The following CDC16 variants were observed in gnomAD, a reference collection of about 807,000 sequenced individuals.
CDC16 encodes the protein cell division cycle protein 16 homolog.
In CDC16, 34 loss-of-function variants were observed where a neutral mutation model predicts 87.0. The observed-to-expected ratio is 0.39, with a 90% CI of 0.30 to 0.52. The LOEUF (loss-of-function observed/expected upper bound fraction) is 0.52. Ranked by LOEUF, CDC16 falls within the 20% of genes least tolerant of loss-of-function variation. The pLI, the probability that CDC16 is intolerant of heterozygous loss-of-function variation, is 0.74. For synonymous variants in CDC16, 263 were observed against 260.6 expected, an observed-to-expected ratio of 1.01 and a Z score of -0.09; for missense variants, 653 against 751.9, an observed-to-expected ratio of 0.87 and a Z score of 1.54.
At chr13:114,257,797 GTTTT>G (rs1049105080) in intron 13 of CDC16, among the ~76,000 whole-genome samples, 3 of 151,778 alleles carry the variant, frequency 2.0e-5, no homozygotes, top group African/African-American at 7.3e-5. Context: ...TTTTGTTTTT[GTTTT>G]TTTGAGATGG....
chr13:114,235,347 C>G (rs893880619), intron 1 of CDC16, among the ~76,000 whole-genome samples: 1 of 152,058 alleles, frequency 6.6e-6, no homozygotes, highest in Non-Finnish European at 1.5e-5. Context: ...TGGAGGCCCC[C>G]GAGCGCACGG....
At chr13:114,261,797 A>C in intron 14 of CDC16, 90 bp from the exon 15 acceptor site, 1 of 848,606 alleles carries the variant, frequency 1.2e-6, no homozygotes, top group Admixed American at 2.5e-5. Context: ...GAGAGAGCCC[A>C]GCTTGCAAGG....
intron 1 of CDC16, among the ~76,000 whole-genome samples, chr13:114,236,139 G>A (rs1177563672): frequency 6.6e-6 from 1 of 152,222 alleles, no homozygotes; most frequent in African/African-American, 2.4e-5. Context: ...TGGAGGAGGT[G>A]AGTTCTTCCC....
chr13:114,242,114 C>G lies in CDC16; in HGVS notation c.382-7C>G, dbSNP rs1433381900. The G allele has an allele frequency of 1.9e-6, 3 of 1,587,096 alleles. No individual in the cohort carries two copies. The highest frequency in any genetic ancestry group is 2.6e-6 in the Non-Finnish European group (3 of 1,171,768). Reference sequence around the variant, plus strand: ...ACTTAATATGTGACTCATCATTTTTCCAACAGATAAAGAGTTCTATCTGTC... The same window carrying G: ...ACTTAATATGTGACTCATCATTTTTGCAACAGATAAAGAGTTCTATCTGTC... On this transcript the variant is annotated splice_polypyrimidine_tract_variant and splice_region_variant and intron_variant, in intron 5 of 17. Coordinates refer to ENST00000356221, the MANE Select transcript of CDC16 (RefSeq NM_001078645.3).
chr13:114,267,711 G>A lies in CDC16; in HGVS notation c.1603+2471G>A, dbSNP rs115044671. Among the ~76,000 whole-genome samples the A allele has an allele frequency of 2.9e-3, 438 of 152,212 alleles. 1 individual carries two copies. The highest frequency in any genetic ancestry group is 0.01 in the African/African-American group (424 of 41,522). On this transcript the variant is annotated intron_variant, in intron 17 of 17. Coordinates refer to ENST00000356221, the MANE Select transcript of CDC16 (RefSeq NM_001078645.3). The stretch of plus-strand genomic sequence containing the variant: ...GATAGAGTAATCACTAAAAAGGAAA[G>A]TTCATACCAAAAGTAGTAATACTAG...
rs749251798 is a variant in CDC16 at position 114,257,125 on chromosome 13, A to G, written c.1145A>G (p.Asn382Ser). Residue 382 changes from asparagine (N) to serine (S), a missense_variant, in exon 13 of 18, where the codon AAT (asparagine) becomes AGT (serine). Coordinates refer to ENST00000356221, the MANE Select transcript of CDC16 (RefSeq NM_001078645.3). ...LYIGLEYGLT[N>S]NSKLAERFFS... ...ATTGGATTAGAATATGGTTTGACCA[A>G]TAACTCAAAACTAGCTGAAAGGTTC... The G allele has an allele frequency of 3.1e-6, 5 of 1,612,356 alleles. No individual in the cohort carries two copies. The highest frequency in any genetic ancestry group is 2.2e-5 in the East Asian group (1 of 44,858).
intron 12 of CDC16, among the ~76,000 whole-genome samples, chr13:114,252,848 A>G (rs1053619578): frequency 2.0e-5 from 3 of 152,338 alleles, no homozygotes; most frequent in Non-Finnish European, 2.9e-5. Context: ...AAATTCTCAC[A>G]TTAAGCTAGG....
At chr13:114,266,770 T>C (rs1445463757) in intron 17 of CDC16, among the ~76,000 whole-genome samples, 2 of 152,090 alleles carry the variant, frequency 1.3e-5, no homozygotes, top group Non-Finnish European at 2.9e-5. Flanking sequence ...CTCTGCTCAC[T>C]GCAAGCTCCC....
At chr13:114,238,944 A>G (rs201852907) in intron 3 of CDC16, 46 bp from the exon 4 acceptor site, 3 of 1,577,646 alleles carry the variant, frequency 1.9e-6, no homozygotes, top group African/African-American at 2.7e-5. Flanking sequence ...AAGTGAAGAT[A>G]CATATTATTT....
rs184432423 is a variant in CDC16, at chr13:114,253,084, G to C, written c.1097+2410G>C. Reference sequence around the variant, plus strand: ...CACCACAATCCAGCCTGGGTGACCAGTTGAGATACATCTCAAAAACCTCAT... The same window carrying C: ...CACCACAATCCAGCCTGGGTGACCACTTGAGATACATCTCAAAAACCTCAT... On this transcript the variant is annotated intron_variant, in intron 12 of 17. Transcript: ENST00000356221. Among the ~76,000 whole-genome samples the C allele has an allele frequency of 6.6e-5, 10 of 152,276 alleles. No individual in the cohort carries two copies. The East Asian group carries it at 1.9e-3, about 29-fold the overall frequency.
chr13:114,258,511 A>G (rs952286038), intron 13 of CDC16, among the ~76,000 whole-genome samples: 2 of 152,214 alleles, frequency 1.3e-5, no homozygotes, highest in South Asian at 2.1e-4. Context: ...GTGAAATGCT[A>G]TCTAGTGTTA....
At chr13:114,256,581 T>G (rs1263675381) in intron 12 of CDC16, among the ~76,000 whole-genome samples, 1 of 152,244 alleles carries the variant, frequency 6.6e-6, no homozygotes, top group African/African-American at 2.4e-5. Context: ...ATTGAATCAA[T>G]ACACAGGGCA....
At chr13:114,252,630 T>G (rs2082258203) in intron 12 of CDC16, among the ~76,000 whole-genome samples, 1 of 139,154 alleles carries the variant, frequency 7.2e-6, no homozygotes, top group Non-Finnish European at 1.5e-5. Context: ...TGTATCAATA[T>G]GATAATTTGT....
chr13:114,236,927 C>T (rs2081280111), intron 3 of CDC16, 31 bp downstream of exon 3: 3 of 1,387,352 alleles, frequency 2.2e-6, no homozygotes, highest in Non-Finnish European at 3.0e-6. Flanking sequence ...TAAAGCTCTT[C>T]AGAGCTTTAA....
At chr13:114,244,252 A>G (rs181601253) in intron 8 of CDC16, among the ~76,000 whole-genome samples, 2 of 152,342 alleles carry the variant, frequency 1.3e-5, no homozygotes, top group Non-Finnish European at 2.9e-5. Flanking sequence ...AAGTTTGAAA[A>G]TTCCATTTTG....
chr13:114,263,080 ATT>A, intron 16 of CDC16, 66 bp downstream of exon 16: 1 of 1,409,900 alleles, frequency 7.1e-7, no homozygotes, highest in Non-Finnish European at 1.0e-6. Context: ...TTTTGAAAAT[ATT>A]TTTTCTAGGT....
In CDC16 at chr13:114,245,041, C is replaced by T. The variant is rs538661224; in HGVS notation, c.847+72C>T. 8 of 888,960 alleles carry T rather than the reference C, an allele frequency of 9.0e-6. No individual in the cohort carries two copies. In the African/African-American group the frequency reaches 1.2e-4, roughly 13 times the overall value. The allele number at this position is 888,960 out of a possible 1,614,324, so 55.1% of individuals were successfully genotyped here. On this transcript the variant is annotated intron_variant, in intron 9 of 17. Coordinates refer to ENST00000356221, the MANE Select transcript of CDC16 (RefSeq NM_001078645.3). ...TCTTTTCTGTAACTTGAAATTTTGT[C>T]TCTGAAATTCTGGATAGTTGAGATT...
Position 114,272,334 on chromosome 13 carries a change from C to T in CDC16, c.1754C>T (p.Thr585Ile). The stretch of plus-strand genomic sequence containing the variant: ...GAAACGGGGCTTACGCCATTGGAAA[C>T]CTCAAGGAAAACTCCAGATTCCAGA... ...AEETGLTPLE[T>I]SRKTPDSRPS... The change falls in exon 18 of 18, where the codon ACC becomes ATC. Residue 585 changes from threonine (T) to isoleucine (I), a missense_variant. Coordinates refer to ENST00000356221, the MANE Select transcript of CDC16 (RefSeq NM_001078645.3). 6.2e-7 allele frequency: 1 copy of T among 1,614,176 alleles called. No homozygotes were observed. Among genetic ancestry groups the T allele is most frequent in the Non-Finnish European group, 8.5e-7 (1 of 1,180,000 alleles).
rs749650686 is a variant in CDC16 at position 114,250,636 on chromosome 13, G to A, written c.1059G>A (p.Ala353=). The change falls in exon 12 of 18, where the codon GCG becomes GCA. Residue 353 remains alanine, a synonymous_variant. Coordinates refer to ENST00000356221, the MANE Select transcript of CDC16 (RefSeq NM_001078645.3). ...SFAVESEHDQ[A]MAAYFTAAQL... is the part of the protein sequence containing the mutation. ...CGGTGGAGAGTGAGCACGACCAAGC[G>A]ATGGCTGCTTACTTCACAGCAGCAC... is the stretch of plus-strand genomic sequence containing the variant. 9 of 1,613,976 alleles carry A rather than the reference G, an allele frequency of 5.6e-6. No individual in the cohort carries two copies. The highest frequency in any genetic ancestry group is 7.6e-6 in the Non-Finnish European group (9 of 1,180,008).
Sources: gnomAD v4.1 joint callset for allele counts (sites outside exome capture counted in the v4.1 genomes callset) on GRCh38, gnomAD v4.1.1 for gene constraint, MANE v1.5 for transcripts, NCBI Gene and HGNC (gene_info 2026-07-23, HGNC 2026-07-21) for gene names.